Variants in ROBO2 observed in about 807,000 individuals in gnomAD.
ROBO2 encodes roundabout guidance receptor 2.
Under a neutral mutation model 160.8 loss-of-function variants are expected in ROBO2, and 53 were observed. The observed-to-expected ratio is 0.33, with a 90% CI of 0.26 to 0.41. The LOEUF (loss-of-function observed/expected upper bound fraction) is 0.41. Among genes scored for constraint, ROBO2 ranks in the 10% least tolerant of loss-of-function variants. The pLI is 1.00. For missense variants in ROBO2, 1,577 were observed against 1,722.4 expected, an observed-to-expected ratio of 0.92 and a Z score of 1.49; for synonymous variants, 664 against 611.7, an observed-to-expected ratio of 1.09 and a Z score of -1.26.
intron 1 of ROBO2, among the ~76,000 whole-genome samples, chr3:75,916,957 A>G (rs1377427074): frequency 6.7e-6 from 1 of 148,700 alleles, no homozygotes; most frequent in Admixed American, 6.9e-5. Flanking sequence ...ATATATGTAC[A>G]TAATGAAAAT....
intron 2 of ROBO2, among the ~76,000 whole-genome samples, chr3:76,330,757 T>C (rs945812298): frequency 6.6e-6 from 1 of 152,130 alleles, no homozygotes; most frequent in Non-Finnish European, 1.5e-5. Flanking sequence ...ATACCAAATG[T>C]CTTTTGCTTT....
At chr3:76,104,201 A>T (rs2069824363) in intron 2 of ROBO2, among the ~76,000 whole-genome samples, 1 of 152,240 alleles carries the variant, frequency 6.6e-6, no homozygotes, top group Admixed American at 6.5e-5. Flanking sequence ...GAACACTTAA[A>T]TCTTTCATAC....
intron 2 of ROBO2, among the ~76,000 whole-genome samples, chr3:77,294,289 A>T (rs1207020227): frequency 6.9e-6 from 1 of 144,796 alleles, no homozygotes; most frequent in African/African-American, 2.6e-5. Context: ...AGCACTAAAG[A>T]CATAAAGTAA....
chr3:76,008,369 A>G (rs992735392), intron 2 of ROBO2, among the ~76,000 whole-genome samples: 2 of 152,178 alleles, frequency 1.3e-5, no homozygotes, highest in African/African-American at 4.8e-5. Context: ...AAAAGAAAGC[A>G]CAGTGATCTG....
At chr3:76,807,159 A>C (rs1029482004) in intron 2 of ROBO2, among the ~76,000 whole-genome samples, 3 of 152,072 alleles carry the variant, frequency 2.0e-5, no homozygotes, top group Admixed American at 6.6e-5. Context: ...ACTGTCATTC[A>C]GAGAAATTGT....
At chr3:77,479,342 T>C (rs2084406607) in intron 3 of ROBO2, among the ~76,000 whole-genome samples, 1 of 152,166 alleles carries the variant, frequency 6.6e-6, no homozygotes, top group Non-Finnish European at 1.5e-5. Flanking sequence ...GTTACTGAGA[T>C]TTCAGACAGG....
At chr3:76,144,202 T>C (rs1327545695) in intron 2 of ROBO2, among the ~76,000 whole-genome samples, 1 of 151,964 alleles carries the variant, frequency 6.6e-6, no homozygotes, top group Non-Finnish European at 1.5e-5. Context: ...AATACACTCA[T>C]GCACACACAC....
intron 2 of ROBO2, among the ~76,000 whole-genome samples, chr3:76,150,871 T>C (rs902790945): frequency 1.3e-5 from 2 of 152,138 alleles, no homozygotes; most frequent in Non-Finnish European, 2.9e-5. Flanking sequence ...CCTACATGCT[T>C]GTGATAGATG....
chr3:76,832,988 G>A (rs921311233), intron 2 of ROBO2, among the ~76,000 whole-genome samples: 8 of 152,094 alleles, frequency 5.3e-5, no homozygotes, highest in African/African-American at 1.9e-4. Context: ...AAAACAAAGG[G>A]AGAGGTTAAA....
At chr3:76,064,143 ACCTTGATTTTAGCCT>A (rs1301818121) in intron 2 of ROBO2, among the ~76,000 whole-genome samples, 1 of 152,152 alleles carries the variant, frequency 6.6e-6, no homozygotes, top group Non-Finnish European at 1.5e-5. Flanking sequence ...ACTGGTCGAC[ACCTTGATTTTAGCCT>A]CGTGAGACCC....
At chr3:76,751,373 C>A (rs1450842610) in intron 2 of ROBO2, among the ~76,000 whole-genome samples, 2 of 152,042 alleles carry the variant, frequency 1.3e-5, no homozygotes, top group Admixed American at 6.6e-5. Context: ...TAGGCAATAC[C>A]ATTCAGGACA....
At chr3:77,174,829 A>C (rs2079978363) in intron 2 of ROBO2, among the ~76,000 whole-genome samples, 3 of 152,066 alleles carry the variant, frequency 2.0e-5, no homozygotes, top group African/African-American at 7.2e-5. Flanking sequence ...ATAAAAAGAA[A>C]AATTCTATAA....
chr3:77,260,593 A>T (rs1222835205), intron 2 of ROBO2, among the ~76,000 whole-genome samples: 1 of 152,150 alleles, frequency 6.6e-6, no homozygotes, highest in Non-Finnish European at 1.5e-5. Flanking sequence ...TGCAACACGA[A>T]GATTCAGCTC....
chr3:77,573,006 C>G (rs2093676217), intron 13 of ROBO2, among the ~76,000 whole-genome samples: 1 of 151,906 alleles, frequency 6.6e-6, no homozygotes, highest in Non-Finnish European at 1.5e-5. Context: ...CTCCATAATT[C>G]TCTTTTTTAT....
chr3:77,180,388 T>TTCTCTCTCTC (rs369947015), intron 2 of ROBO2, among the ~76,000 whole-genome samples: 139 of 99,310 alleles, frequency 1.4e-3, no homozygotes, highest in Middle Eastern at 0.011. Context: ...ACCTTTTGAA[T>TTCTCTCTCTC]TCTCTCTCTC....
chr3:77,563,044 G>A lies in ROBO2; in HGVS notation c.1520-123G>A, dbSNP rs1356611002. On this transcript the variant is annotated intron_variant, in intron 10 of 25. Coordinates refer to ENST00000461745, the Ensembl canonical transcript of ROBO2. ...AGCAAACATTCACTTACATACTTCT[G>A]ATTCATGGAGATGAATTTCTCACTG... 6 of 860,910 alleles carry A rather than the reference G, an allele frequency of 7.0e-6. No homozygotes were observed. The East Asian group carries it at 1.6e-4, about 23-fold the overall frequency. The allele number at this position is 860,910 out of a possible 1,614,324, so 53.3% of individuals were successfully genotyped here.
intron 2 of ROBO2, among the ~76,000 whole-genome samples, chr3:76,979,706 T>C (rs968407784): frequency 6.6e-6 from 1 of 151,610 alleles, no homozygotes; most frequent in Admixed American, 6.6e-5. Flanking sequence ...ATAGTTAATT[T>C]TGTGCAGAGA....
At chr3:76,507,196 AG>A (rs2080843817) in intron 2 of ROBO2, among the ~76,000 whole-genome samples, 1 of 152,098 alleles carries the variant, frequency 6.6e-6, no homozygotes, top group South Asian at 2.1e-4. Context: ...TTATATCAAA[AG>A]AGAATTATTT....
At chr3:77,382,933 A>C (rs1223005260) in intron 2 of ROBO2, among the ~76,000 whole-genome samples, 1 of 152,206 alleles carries the variant, frequency 6.6e-6, no homozygotes, top group Non-Finnish European at 1.5e-5. Context: ...CCTAGTTGCC[A>C]ACATGCCAAC....
Sources: allele counts gnomAD v4.1 joint callset (sites outside exome capture counted in the v4.1 genomes callset), GRCh38; gene constraint gnomAD v4.1.1; transcripts MANE v1.5; gene names NCBI Gene and HGNC (gene_info 2026-07-23, HGNC 2026-07-21).